HAS1: variants seen among roughly 807,000 people sequenced by gnomAD.
The protein encoded by HAS1 is HA synthase 1.
A neutral mutation model predicts 35.0 loss-of-function variants in HAS1; 27 were observed. The ratio of observed to expected loss-of-function variants is 0.77; its 90% CI spans 0.57 to 1.06. HAS1 has a LOEUF of 1.06. Ranked by LOEUF, HAS1 falls within the 50% of genes least tolerant of loss-of-function variation. The pLI is 0.00. For missense variants in HAS1, 940 were observed against 814.8 expected, an observed-to-expected ratio of 1.15 and a Z score of -1.87; for synonymous variants, 409 against 371.2, an observed-to-expected ratio of 1.10 and a Z score of -1.17.
At chr19:51,723,896 C>G in intron 1 of HAS1, 29 bp downstream of exon 1, 1 of 1,423,956 alleles carries the variant, frequency 7.0e-7, no homozygotes, top group Non-Finnish European at 9.5e-7. Context: ...CACACACACA[C>G]ACACACACAC....
rs1243233283 is a variant in HAS1 at position 51,713,300 on chromosome 19, C to G, written c.*127G>C. Reference sequence around the variant, plus strand: ...CCAGACTGAAGAATCTTGGGCTGACCCCCTCGTTTTGCAGAGGAGGGAAAC... The same window carrying G: ...CCAGACTGAAGAATCTTGGGCTGACGCCCTCGTTTTGCAGAGGAGGGAAAC... On this transcript the variant is annotated 3_prime_UTR_variant, in exon 5 of 5. Coordinates refer to ENST00000540069, the MANE Select transcript of HAS1 (RefSeq NM_001297436.2). This position sits in a 1 kb window ranked among gnomAD's most constrained non-coding sequence, Gnocchi z 4.5. 1.7e-5 allele frequency: 15 copies of G among 894,718 alleles called. No homozygotes were observed. Among genetic ancestry groups the G allele is most frequent in the African/African-American group, 3.5e-5 (2 of 57,662 alleles). The allele number at this position is 894,718 out of a possible 1,614,324, so 55.4% of individuals were successfully genotyped here.
At chr19:51,721,826 C>A (rs1016001455) in intron 1 of HAS1, among the ~76,000 whole-genome samples, 37 of 152,144 alleles carry the variant, frequency 2.4e-4, no homozygotes, top group African/African-American at 8.9e-4. Flanking sequence ...TGGTCTCGAA[C>A]TCCCAGGCTC....
intron 4 of HAS1, among the ~76,000 whole-genome samples, chr19:51,714,927 A>C (rs1282098402): frequency 1.3e-5 from 2 of 152,090 alleles, no homozygotes; most frequent in East Asian, 3.9e-4. Flanking sequence ...CATGCTTACT[A>C]TTACTGGCAG....
In HAS1 at chr19:51,717,171, A is replaced by G; in HGVS notation, c.722T>C (p.Leu241Ser). The change falls in exon 3 of 5, where the codon TTG becomes TCG. Residue 241 changes from leucine to serine, a missense_variant. Leu to Ser is a moderately radical substitution (Grantham distance 145, BLOSUM62 -2). Transcript: ENST00000540069. ...YVQVCDSDTRLDPMALLELVR... is the reference protein window; with the variant it reads ...YVQVCDSDTRSDPMALLELVR... Reference sequence around the variant, plus strand: ...GAGCTCCAGCAGTGCCATGGGGTCCAACCTTGTGTCCGAGTCACAGACCTG... The same window carrying G: ...GAGCTCCAGCAGTGCCATGGGGTCCGACCTTGTGTCCGAGTCACAGACCTG... The G allele has an allele frequency of 6.2e-7, 1 of 1,613,220 alleles. No homozygotes were observed. Among genetic ancestry groups the G allele is most frequent in the South Asian group, 1.1e-5 (1 of 91,076 alleles).
rs2083557022 is a variant in HAS1, at chr19:51,713,604, G to T, written c.1557C>A (p.Ser519Arg). The part of the protein sequence containing the change: ...ALLLLGGLVR[S>R]VAHEARADWS... ...AGTCGGCCCTGGCCTCGTGTGCTAC[G>T]CTGCGGACCAGGCCCCCAAGCAGCA... The change falls in exon 5 of 5, where the codon AGC (serine) becomes AGA (arginine). Residue 519 changes from serine to arginine, a missense_variant. Coordinates refer to ENST00000540069, the MANE Select transcript of HAS1 (RefSeq NM_001297436.2). The surrounding 1 kb of genome is among the most constrained non-coding windows in gnomAD (Gnocchi z 4.5). 4.5e-6 allele frequency: 7 copies of T among 1,556,572 alleles called. No individual in the cohort carries two copies. The highest frequency in any genetic ancestry group is 3.5e-5 in the South Asian group (3 of 85,908).
At position 51,719,193 on chromosome 19, in the gene HAS1, C is replaced by G. The variant is rs2083605638; in HGVS notation, c.699+13G>C. The G allele has an allele frequency of 6.7e-7, 1 of 1,503,056 alleles. No homozygotes were observed. Among genetic ancestry groups the G allele is most frequent in the Admixed American group, 2.2e-5 (1 of 45,192 alleles). 93.1% of individuals were successfully genotyped at this position (1,503,056 alleles called of 1,614,324 possible). ...GTTCGGGTCACGAGTGGGCTGAAGG[C>G]GCCTCTACTCACCTGCACGTAGTCC... On this transcript the variant is annotated intron_variant, in intron 2 of 4. Coordinates refer to ENST00000540069, the MANE Select transcript of HAS1 (RefSeq NM_001297436.2).
intron 1 of HAS1, among the ~76,000 whole-genome samples, chr19:51,722,570 T>C (rs917319862): frequency 2.0e-5 from 3 of 152,248 alleles, no homozygotes; most frequent in Non-Finnish European, 2.9e-5. Context: ...AATTTGTGTG[T>C]GTGTTTTTAG....
chr19:51,713,439 G>A lies in HAS1; in HGVS notation c.1722C>T (p.Arg574=). Residue 574 remains arginine (R), a synonymous_variant, in exon 5 of 5, where the codon CGC becomes CGT. Transcript: ENST00000540069. This position sits in a 1 kb window ranked among gnomAD's most constrained non-coding sequence, Gnocchi z 4.5. ...CGCGTGGCTGGACTCACACCTGGAC[G>A]CGGTAGCCCCCGGTCCGCCGCCGGC... ...RLCRRRTGGY[R]VQV is the part of the protein sequence containing the mutation. The A allele has an allele frequency of 2.0e-6, 3 of 1,530,488 alleles. No homozygotes were observed. Among genetic ancestry groups the A allele is most frequent in the Non-Finnish European group, 2.6e-6 (3 of 1,137,200 alleles). 94.8% of individuals were successfully genotyped at this position (1,530,488 alleles called of 1,614,324 possible). A position where few individuals can be genotyped will look rare whatever the true frequency, so the allele number is the denominator to read the frequency against.
At chr19:51,718,142 T>C in intron 2 of HAS1, 1 of 153,688 alleles carries the variant, frequency 6.5e-6, no homozygotes, top group South Asian at 1.9e-4. Context: ...GAGGCTGAGG[T>C]GGGAGAATCA....
At chr19:51,718,230 C>T (rs939760305) in intron 2 of HAS1, among the ~76,000 whole-genome samples, 3 of 134,288 alleles carry the variant, frequency 2.2e-5, no homozygotes, top group African/African-American at 8.2e-5. Flanking sequence ...GAGTGAGATT[C>T]CATCTCAAAA....
At chr19:51,717,735 G>T (rs756537089) in intron 2 of HAS1, among the ~76,000 whole-genome samples, 1 of 152,080 alleles carries the variant, frequency 6.6e-6, no homozygotes, top group African/African-American at 2.4e-5. Flanking sequence ...AAATACATAC[G>T]CTTGAAAGAT....
chr19:51,719,887 G>C lies in HAS1; in HGVS notation c.18C>G (p.Pro6=), dbSNP rs1246747936. 8 of 1,534,978 alleles carry C rather than the reference G, an allele frequency of 5.2e-6. No individual in the cohort carries two copies. The highest frequency in any genetic ancestry group is 7.0e-6 in the Non-Finnish European group (8 of 1,145,736). MRQDA[P]KPTPAACRCS... ...AGCGGCAGGCTGCAGGAGTGGGCTT[G>C]GGCGCGTCCTGCTGGGAGCGAGAGG... Residue 6 remains proline, a synonymous_variant, in exon 2 of 5, where the codon CCC becomes CCG. Transcript: ENST00000540069.
In HAS1 at chr19:51,713,340, C is replaced by T. The variant is rs1040613683; in HGVS notation, c.*87G>A. The T allele has an allele frequency of 2.3e-6, 3 of 1,299,122 alleles. No individual in the cohort carries two copies. The highest frequency in any genetic ancestry group is 3.0e-6 in the Non-Finnish European group (3 of 983,696). 80.5% of individuals were successfully genotyped at this position (1,299,122 alleles called of 1,614,324 possible). ...AGGAGGGAAACTGAGGCCCAGAGAA[C>T]CACCCAGCAAGTTCGTGGCTCGGGG... On this transcript the variant is annotated 3_prime_UTR_variant, in exon 5 of 5. Coordinates refer to ENST00000540069, the MANE Select transcript of HAS1 (RefSeq NM_001297436.2). This position sits in a 1 kb window ranked among gnomAD's most constrained non-coding sequence, Gnocchi z 4.5.
At position 51,717,091 on chromosome 19, in the gene HAS1, T is replaced by A. The variant is rs772616275; in HGVS notation, c.802A>T (p.Ile268Phe). 3.7e-5 allele frequency: 60 copies of A among 1,613,800 alleles called. No homozygotes were observed. The highest frequency in any genetic ancestry group is 4.6e-5 in the Non-Finnish European group (54 of 1,179,936). The change falls in exon 3 of 5, where the codon ATC becomes TTC. Residue 268 changes from isoleucine to phenylalanine, a missense_variant. Transcript: ENST00000540069. ...RVGAVGGDVR[I>F]LNPLDSWVSF... is the part of the protein sequence containing the mutation. The stretch of plus-strand genomic sequence containing the variant: ...ACCCAGGAGTCCAGAGGGTTAAGGA[T>A]CCGCACGTCCCCACCAACAGCCCCT...
intron 4 of HAS1, among the ~76,000 whole-genome samples, chr19:51,714,781 GT>G (rs1438104370): frequency 1.3e-5 from 2 of 151,654 alleles, no homozygotes; most frequent in Non-Finnish European, 2.9e-5. Flanking sequence ...CCAGTAGATA[GT>G]ATTTGCTCAA....
intron 2 of HAS1, among the ~76,000 whole-genome samples, chr19:51,717,434 C>T (rs969190784): frequency 1.3e-5 from 2 of 152,124 alleles, no homozygotes; most frequent in African/African-American, 4.8e-5. Flanking sequence ...GTGAGTGAGA[C>T]CCCTAACTTG....
Position 51,716,984 on chromosome 19 carries a change from GC to G in HAS1, c.908del (p.Cys303SerfsTer6). 1 of 1,612,002 alleles carries G rather than the reference GC, an allele frequency of 6.2e-7. No individual in the cohort carries two copies. The highest frequency in any genetic ancestry group is 8.5e-7 in the Non-Finnish European group (1 of 1,178,126). On this transcript the variant is annotated frameshift_variant, in exon 3 of 5. Transcript: ENST00000540069. LOFTEE classifies it high-confidence loss of function. ...CCTGCTTACCTAGAGGACCGCTGAT[GC>G]AGGATACACAGTGGAAGTAGCTCTG... ...ACQSYFHCVS[C>X]ISGPLGLYRN... is the part of the protein sequence containing the mutation.
intron 1 of HAS1, among the ~76,000 whole-genome samples, chr19:51,720,980 C>T (rs938268793): frequency 2.6e-5 from 4 of 152,126 alleles, no homozygotes; most frequent in African/African-American, 9.7e-5. Flanking sequence ...TGCTGTGTAC[C>T]AGTCCCTGCT....
At chr19:51,719,172 G>A in intron 2 of HAS1, 34 bp downstream of exon 2, 1 of 1,363,878 alleles carries the variant, frequency 7.3e-7, no homozygotes, top group South Asian at 1.4e-5. Flanking sequence ...TTGGGTGTTC[G>A]GGTCACGAGT....
Sources: gnomAD v4.1 joint callset for allele counts (sites outside exome capture counted in the v4.1 genomes callset) on GRCh38, gnomAD v4.1.1 for gene constraint, Gnocchi (gnomAD v3.1) non-coding constraint, MANE v1.5 for transcripts, NCBI Gene and HGNC (gene_info 2026-07-23, HGNC 2026-07-21) for gene names.